Variants in DDAH1 observed in about 807,000 individuals in gnomAD.
The protein encoded by DDAH1 is dimethylarginine dimethylaminohydrolase 1.
In DDAH1, 19 loss-of-function variants were observed where a neutral mutation model predicts 28.8. The observed-to-expected ratio is 0.66, with a 90% CI of 0.46 to 0.97. DDAH1 has a LOEUF of 0.97. Ranked by LOEUF, DDAH1 falls within the 50% of genes least tolerant of loss-of-function variation. DDAH1 has a pLI of 0.00. For synonymous variants in DDAH1, 153 were observed against 154.4 expected, an observed-to-expected ratio of 0.99 and a Z score of 0.07; for missense variants, 326 against 375.9, an observed-to-expected ratio of 0.87 and a Z score of 1.10.
intron 1 of DDAH1, among the ~76,000 whole-genome samples, chr1:85,514,503 C>T (rs1657375260): frequency 7.0e-6 from 1 of 142,640 alleles, no homozygotes; most frequent in African/African-American, 2.6e-5. Flanking sequence ...ACATTGTGCA[C>T]ATGTACCCTA....
chr1:85,457,389 G>A (rs1654934062), intron 1 of DDAH1, among the ~76,000 whole-genome samples: 1 of 152,036 alleles, frequency 6.6e-6, no homozygotes. Context: ...CTGGGCTGAG[G>A]TCTGTCATAA....
intron 4 of DDAH1, among the ~76,000 whole-genome samples, chr1:85,342,423 A>C (rs756171140): frequency 1.4e-4 from 21 of 149,158 alleles, no homozygotes; most frequent in Non-Finnish European, 2.2e-4. Context: ...TTGGAGGAGG[A>C]GGTATGGGAA....
At chr1:85,551,191 A>C (rs1321128526) in intron 1 of DDAH1, among the ~76,000 whole-genome samples, 1 of 152,200 alleles carries the variant, frequency 6.6e-6, no homozygotes, top group Non-Finnish European at 1.5e-5. Context: ...AGGGGACTAC[A>C]TGGGGCTGCT....
intron 1 of DDAH1, among the ~76,000 whole-genome samples, chr1:85,524,111 A>C (rs1304741128): frequency 6.6e-6 from 1 of 152,084 alleles, no homozygotes; most frequent in Non-Finnish European, 1.5e-5. Context: ...GGGAAAAAAA[A>C]ACGATGCATC....
intron 1 of DDAH1, among the ~76,000 whole-genome samples, chr1:85,436,564 G>A (rs1462586265): frequency 2.0e-5 from 3 of 152,196 alleles, no homozygotes; most frequent in South Asian, 4.1e-4. Context: ...CTCAGTCAGA[G>A]CTGGCTCAGG....
intron 1 of DDAH1, among the ~76,000 whole-genome samples, chr1:85,424,455 C>T (rs1352790590): frequency 6.6e-6 from 1 of 152,036 alleles, no homozygotes; most frequent in African/African-American, 2.4e-5. Flanking sequence ...CTATATTTTT[C>T]AGCACAAATA....
Position 85,546,363 on chromosome 1 carries a change from G to A in DDAH1, c.-123+31621C>T, listed in dbSNP as rs561442907. On this transcript the variant is annotated intron_variant, in intron 1 of 6. Coordinates refer to the DDAH1 transcript ENST00000426972. ...TGGGATGATACAGCAAAAAGTCACT[G>A]GCCAGATGTGACTTCGGTATTGATA... is the stretch of plus-strand genomic sequence containing the variant. 1.7e-3 allele frequency among the ~76,000 whole-genome samples: 259 copies of A among 152,250 alleles called. 2 individuals carry two copies. The highest frequency in any genetic ancestry group is 5.6e-3 in the African/African-American group (232 of 41,548).
rs533841938 is a variant in DDAH1, at chr1:85,443,278, T to C, written c.303+21465A>G. 1.2e-4 allele frequency among the ~76,000 whole-genome samples: 19 copies of C among 152,350 alleles called. No individual in the cohort carries two copies. The East Asian group carries it at 3.3e-3, about 26-fold the overall frequency. On this transcript the variant is annotated intron_variant, in intron 1 of 5. Coordinates refer to ENST00000284031, the MANE Select transcript of DDAH1 (RefSeq NM_012137.4). Reference sequence around the variant, plus strand: ...AGTTTTCCCAGCACCATTTATTAAATAGGTAACCCTTTCCCCATTTCTTAT... The same window carrying C: ...AGTTTTCCCAGCACCATTTATTAAACAGGTAACCCTTTCCCCATTTCTTAT...
chr1:85,390,935 G>A (rs963656950), intron 1 of DDAH1, among the ~76,000 whole-genome samples: 1 of 152,096 alleles, frequency 6.6e-6, no homozygotes, highest in Non-Finnish European at 1.5e-5. Context: ...TCATATAACT[G>A]TACTTGAATC....
chr1:85,383,407 T>G (rs893610769), intron 1 of DDAH1, among the ~76,000 whole-genome samples: 2 of 152,212 alleles, frequency 1.3e-5, no homozygotes, highest in Non-Finnish European at 2.9e-5. Flanking sequence ...CTTGAATGGA[T>G]GAGGAGTTGC....
chr1:85,361,776 A>C (rs984119463), intron 1 of DDAH1, among the ~76,000 whole-genome samples: 1 of 152,036 alleles, frequency 6.6e-6, no homozygotes, highest in Non-Finnish European at 1.5e-5. Flanking sequence ...GCTGCAGATC[A>C]CCTCTGCTGC....
At chr1:85,330,838 T>G (rs1168557153) in intron 4 of DDAH1, among the ~76,000 whole-genome samples, 1 of 152,018 alleles carries the variant, frequency 6.6e-6, no homozygotes, top group East Asian at 1.9e-4. Flanking sequence ...CAGTGTGAGG[T>G]GGGAAAGGGA....
chr1:85,400,798 C>T (rs984397601), intron 1 of DDAH1, among the ~76,000 whole-genome samples: 24 of 152,250 alleles, frequency 1.6e-4, no homozygotes, highest in South Asian at 4.1e-4. Flanking sequence ...ATTTGTGACC[C>T]ATCTGTAACA....
At chr1:85,409,764 T>C (rs1416571301) in intron 1 of DDAH1, among the ~76,000 whole-genome samples, 2 of 152,178 alleles carry the variant, frequency 1.3e-5, no homozygotes, top group Admixed American at 6.5e-5. Context: ...ATATATAAGT[T>C]TTCAACTTTA....
chr1:85,367,269 T>C lies in DDAH1; in HGVS notation c.304-8422A>G, dbSNP rs956373193. Among the ~76,000 whole-genome samples, 12 of 152,334 alleles carry C rather than the reference T, an allele frequency of 7.9e-5. No individual in the cohort carries two copies. The Middle Eastern group carries it at 0.01, about 130-fold the overall frequency. On this transcript the variant is annotated intron_variant, in intron 1 of 5. Coordinates refer to ENST00000284031, the MANE Select transcript of DDAH1 (RefSeq NM_012137.4). ...TGAGACACAGGGTCAAGTCATTCTT[T>C]CTGCTTTGTCCTACTCCTGACCATA...
chr1:85,405,905 C>T (rs1652383094), intron 1 of DDAH1, among the ~76,000 whole-genome samples: 1 of 152,182 alleles, frequency 6.6e-6, no homozygotes, highest in Admixed American at 6.5e-5. Flanking sequence ...AGAAGTAAAA[C>T]CTAACACTTA....
intron 1 of DDAH1, among the ~76,000 whole-genome samples, chr1:85,434,118 T>A (rs547873424): frequency 1.1e-4 from 16 of 152,296 alleles, no homozygotes; most frequent in Non-Finnish European, 2.1e-4. Context: ...CCTCACCCCC[T>A]ATCCTAACAG....
At chr1:85,400,191 T>A (rs554520129) in intron 1 of DDAH1, among the ~76,000 whole-genome samples, 1 of 100,234 alleles carries the variant, frequency 1.0e-5, no homozygotes, top group Non-Finnish European at 2.0e-5. Flanking sequence ...TTTTTTTTTT[T>A]TTTTTTTTTT....
At chr1:85,453,025 T>C (rs994052047) in intron 1 of DDAH1, among the ~76,000 whole-genome samples, 1 of 152,168 alleles carries the variant, frequency 6.6e-6, no homozygotes, top group African/African-American at 2.4e-5. Flanking sequence ...GACCAAGTGA[T>C]AGTAGCTGTT....
Sources: allele counts gnomAD v4.1 joint callset (sites outside exome capture counted in the v4.1 genomes callset), GRCh38; gene constraint gnomAD v4.1.1; transcripts MANE v1.5; gene names NCBI Gene and HGNC (gene_info 2026-07-23, HGNC 2026-07-21).